Variants in SLC17A1 observed in about 807,000 individuals in gnomAD.
The protein encoded by SLC17A1 is solute carrier family 17 member 1, also known as sodium-dependent phosphate transport protein 1.
In SLC17A1, 51 loss-of-function variants were observed where a neutral mutation model predicts 53.5. The ratio of observed to expected loss-of-function variants is 0.95; its 90% CI spans 0.76 to 1.20. The LOEUF (loss-of-function observed/expected upper bound fraction) is 1.20, where lower values mean the gene tolerates loss of function less well. Among genes scored for constraint, SLC17A1 ranks in the 50% most tolerant of loss-of-function variants. The pLI is 0.00. For missense variants in SLC17A1, 538 were observed against 568.2 expected, an observed-to-expected ratio of 0.95 and a Z score of 0.54; for synonymous variants, 179 against 198.8, an observed-to-expected ratio of 0.90 and a Z score of 0.84.
chr6:25,823,395 T>G (rs913039781), intron 3 of SLC17A1, among the ~76,000 whole-genome samples: 1 of 152,158 alleles, frequency 6.6e-6, no homozygotes, highest in East Asian at 1.9e-4. Flanking sequence ...AATGACAAAG[T>G]GTATTCCAAA....
rs375461413 is a variant in SLC17A1, at chr6:25,792,007, G to C, written c.*2+6776C>G. On this transcript the variant is annotated intron_variant, in intron 12 of 12. Transcript: ENST00000244527. The stretch of plus-strand genomic sequence containing the variant: ...ATCTATTTACATAGTGAACAAATGT[G>C]AATCCTTCAAGCCAATTCTTCAAGA... Among the ~76,000 whole-genome samples, 69 of 152,272 alleles carry C rather than the reference G, an allele frequency of 4.5e-4. No individual in the cohort carries two copies. In the East Asian group the frequency reaches 0.013, roughly 28 times the overall value.
At chr6:25,772,507 A>G in the SLC17A1 span, among the ~76,000 whole-genome samples, 656 of 152,328 alleles carry the variant, frequency 4.3e-3, 2 homozygotes, top group African/African-American at 0.015. Flanking sequence ...TAAGATTCTA[A>G]AAAGGGAATT....
At chr6:25,794,053 T>G (rs1176138565) in intron 12 of SLC17A1, among the ~76,000 whole-genome samples, 1 of 152,218 alleles carries the variant, frequency 6.6e-6, no homozygotes, top group Non-Finnish European at 1.5e-5. Flanking sequence ...TTGTTCCTGT[T>G]TATGTGCCTG....
chr6:25,819,350 C>T (rs1407789079), intron 5 of SLC17A1, among the ~76,000 whole-genome samples, 161 bp downstream of exon 5: 1 of 152,144 alleles, frequency 6.6e-6, no homozygotes, highest in African/African-American at 2.4e-5. Context: ...TGGCTCTTCT[C>T]CATTCTATAC....
the SLC17A1 span, chr6:25,726,865 C>G: frequency 7.0e-6 from 11 of 1,570,826 alleles, no homozygotes; most frequent in Non-Finnish European, 9.5e-6. Flanking sequence ...TGCTGTGTAA[C>G]CCTGGAAAAG....
the SLC17A1 span, among the ~76,000 whole-genome samples, chr6:25,755,107 A>G: frequency 7.3e-6 from 1 of 137,130 alleles, no homozygotes; most frequent in African/African-American, 2.5e-5. Flanking sequence ...AGAGAGGAAG[A>G]GACAGAAACT....
chr6:25,796,308 C>T (rs1763601376), intron 12 of SLC17A1, among the ~76,000 whole-genome samples: 1 of 152,032 alleles, frequency 6.6e-6, no homozygotes, highest in South Asian at 2.1e-4. Flanking sequence ...AGATTTTTGC[C>T]ATTTCTAAAT....
chr6:25,820,897 C>CAAAAAA (rs59962368), intron 3 of SLC17A1, among the ~76,000 whole-genome samples: 2 of 62,214 alleles, frequency 3.2e-5, no homozygotes, highest in Admixed American at 1.9e-4. Flanking sequence ...GACTCCATCT[C>CAAAAAA]AAAAAAAAAA....
At chr6:25,768,355 C>A in the SLC17A1 span, 1 of 985,436 alleles carries the variant, frequency 1.0e-6, no homozygotes, top group Non-Finnish European at 1.2e-6. Context: ...ATGAATTCTT[C>A]CCGCTGTTGT....
At chr6:25,819,466 T>G in intron 5 of SLC17A1, 45 bp downstream of exon 5, 8 of 1,419,956 alleles carry the variant, frequency 5.6e-6, no homozygotes, top group Non-Finnish European at 7.0e-6. Flanking sequence ...TGTAATACAA[T>G]GAGATGAAGA....
At chr6:25,761,263 C>G in the SLC17A1 span, among the ~76,000 whole-genome samples, 1 of 152,178 alleles carries the variant, frequency 6.6e-6, no homozygotes, top group South Asian at 2.1e-4. Flanking sequence ...AGGGGAAGAG[C>G]CTCTGTAACC....
At chr6:25,824,666 G>A (rs1483594852) in intron 3 of SLC17A1, among the ~76,000 whole-genome samples, 1 of 151,594 alleles carries the variant, frequency 6.6e-6, no homozygotes, top group African/African-American at 2.4e-5. Flanking sequence ...TAAAACCTAT[G>A]GAAGCTATTA....
At chr6:25,781,354 G>A (rs976014481), downstream of SLC17A1, among the ~76,000 whole-genome samples, 1 of 151,262 alleles carries the variant, frequency 6.6e-6, no homozygotes, top group Non-Finnish European at 1.5e-5. Context: ...GAAGGGAAGA[G>A]AGAATGTTTC....
chr6:25,776,983 C>T, the SLC17A1 span: 1 of 1,583,182 alleles, frequency 6.3e-7, no homozygotes, highest in Non-Finnish European at 8.6e-7. Flanking sequence ...TTGCCTCATC[C>T]TTTCAGACAC....
intron 10 of SLC17A1, 103 bp downstream of exon 10, chr6:25,811,295 A>G: frequency 7.7e-7 from 1 of 1,300,098 alleles, no homozygotes; most frequent in Non-Finnish European, 1.1e-6. Context: ...GATTTTAGCC[A>G]TTCCACAAAG....
chr6:25,803,097 C>G (rs1763836981), intron 10 of SLC17A1, among the ~76,000 whole-genome samples: 1 of 151,546 alleles, frequency 6.6e-6, no homozygotes, highest in African/African-American at 2.4e-5. Flanking sequence ...CAGGCGCCCA[C>G]CACCATGCCC....
chr6:25,795,515 AT>A lies in SLC17A1; in HGVS notation c.*2+3267del, dbSNP rs201667236. Reference sequence around the variant, plus strand: ...GAGAAGGACCAAAAAGATAAGGAGGATTTTTTTTAAGGGAATAGAAAATAAG... The same window carrying A: ...GAGAAGGACCAAAAAGATAAGGAGGATTTTTTTAAGGGAATAGAAAATAAG... On this transcript the variant is annotated intron_variant, in intron 12 of 12. Coordinates refer to ENST00000244527, the MANE Select transcript of SLC17A1 (RefSeq NM_005074.5). Among the ~76,000 whole-genome samples, 1,066 of 152,126 alleles carry A rather than the reference AT, an allele frequency of 7.0e-3. 14 individuals are homozygous for A. The highest frequency in any genetic ancestry group is 0.023 in the African/African-American group (965 of 41,500).
Position 25,811,633 on chromosome 6 carries a change from C to T in SLC17A1, c.1030+5G>A. 1 of 1,613,932 alleles carries T rather than the reference C, an allele frequency of 6.2e-7. No individual in the cohort carries two copies. The highest frequency in any genetic ancestry group is 8.5e-7 in the Non-Finnish European group (1 of 1,179,886). On this transcript the variant is annotated splice_donor_5th_base_variant and intron_variant, in intron 9 of 12. Coordinates refer to ENST00000244527, the MANE Select transcript of SLC17A1 (RefSeq NM_005074.5). ...AAGTGCTTAAATGTTCTGGCTGTTGCTTACCTGCTGCTGTGAAGAGTTTCC... is the reference window on the plus strand; with the variant it reads ...AAGTGCTTAAATGTTCTGGCTGTTGTTTACCTGCTGCTGTGAAGAGTTTCC...
At chr6:25,726,912 C>G in the SLC17A1 span, 1 of 1,610,930 alleles carries the variant, frequency 6.2e-7, no homozygotes, top group Non-Finnish European at 8.5e-7. Context: ...GGTAGCTATG[C>G]CGGAGGTGTC....
Sources: gnomAD v4.1 joint callset for allele counts (sites outside exome capture counted in the v4.1 genomes callset) on GRCh38, gnomAD v4.1.1 for gene constraint, MANE v1.5 for transcripts, NCBI Gene and HGNC (gene_info 2026-07-23, HGNC 2026-07-21) for gene names.